CCDC7: variants seen among roughly 807,000 people sequenced by gnomAD.
The protein encoded by CCDC7 is coiled-coil domain-containing protein 7.
CCDC7 carries 183 observed loss-of-function variants against 196.9 expected under a neutral mutation model. That is an observed-to-expected ratio of 0.93 (90% CI 0.82 to 1.05). The LOEUF is 1.05. Among genes scored for constraint, CCDC7 ranks in the 50% least tolerant of loss-of-function variants. The probability of loss-of-function intolerance (pLI) is 0.00; values close to 1 mark genes in which losing one functional copy is unlikely to be tolerated. For missense variants in CCDC7, 1,540 were observed against 1,482.2 expected, an observed-to-expected ratio of 1.04 and a Z score of -0.64; for synonymous variants, 525 against 484.6, an observed-to-expected ratio of 1.08 and a Z score of -1.10.
chr10:32,672,186 C>T (rs2074185252), intron 21 of CCDC7, among the ~76,000 whole-genome samples: 1 of 152,104 alleles, frequency 6.6e-6, no homozygotes, highest in African/African-American at 2.4e-5. Context: ...CTGCTGCCAC[C>T]TTGGTAACAG....
At chr10:32,706,654 C>T (rs988933716) in intron 24 of CCDC7, among the ~76,000 whole-genome samples, 2 of 152,138 alleles carry the variant, frequency 1.3e-5, no homozygotes, top group Non-Finnish European at 1.5e-5. Context: ...CATTATCCCA[C>T]AGAAATACAA....
exon 1 of CCDC7, chr10:32,446,149 A>T (rs777135537): frequency 1.2e-4 from 19 of 152,088 alleles, no homozygotes; most frequent in Non-Finnish European, 2.4e-4. Context: ...CAACGGCCCC[A>T]TCCGGCGCCG....
intron 33 of CCDC7, among the ~76,000 whole-genome samples, chr10:32,844,313 C>T (rs1214714016): frequency 2.0e-5 from 3 of 151,900 alleles, no homozygotes; most frequent in Non-Finnish European, 4.4e-5. Context: ...CTTCGTCCTC[C>T]CCAAGTACAA....
intron 18 of CCDC7, among the ~76,000 whole-genome samples, chr10:32,591,262 T>G (rs890934677): frequency 1.3e-5 from 2 of 152,128 alleles, no homozygotes; most frequent in Non-Finnish European, 2.9e-5. Context: ...TATTTTCAAA[T>G]AGCCCCTCTT....
intron 41 of CCDC7, among the ~76,000 whole-genome samples, chr10:32,871,900 C>A (rs549538264): frequency 1.2e-4 from 18 of 152,064 alleles, no homozygotes; most frequent in African/African-American, 4.3e-4. Flanking sequence ...TTTCCATGTC[C>A]TTGAGCGGTT....
chr10:32,781,233 A>G (rs2081015734), intron 29 of CCDC7, among the ~76,000 whole-genome samples: 1 of 152,206 alleles, frequency 6.6e-6, no homozygotes. Flanking sequence ...AAATATTTAA[A>G]GAAGAATTAA....
intron 18 of CCDC7, among the ~76,000 whole-genome samples, chr10:32,627,572 C>A (rs1032457661): frequency 1.3e-5 from 2 of 151,866 alleles, no homozygotes; most frequent in Non-Finnish European, 2.9e-5. Flanking sequence ...TGAGAGTGGG[C>A]ATTCTTGTCT....
At chr10:32,599,388 G>A (rs1323873284) in intron 18 of CCDC7, among the ~76,000 whole-genome samples, 1 of 152,106 alleles carries the variant, frequency 6.6e-6, no homozygotes, top group South Asian at 2.1e-4. Flanking sequence ...TCTGTCTTTA[G>A]ACTGGAGGTT....
chr10:32,453,508 T>C (rs1232046052), intron 2 of CCDC7, 72 bp downstream of exon 3: 3 of 1,008,742 alleles, frequency 3.0e-6, no homozygotes, highest in Non-Finnish European at 3.9e-6. Context: ...AAAATATAAA[T>C]TTAAAATATT....
chr10:32,500,387 G>C (rs2043765579), intron 9 of CCDC7, among the ~76,000 whole-genome samples: 2 of 151,496 alleles, frequency 1.3e-5, no homozygotes, highest in Admixed American at 6.6e-5. Context: ...GCGGGGCAGA[G>C]ACACTCCTCA....
chr10:32,684,164 G>C (rs1291050722), intron 21 of CCDC7, among the ~76,000 whole-genome samples: 1 of 152,146 alleles, frequency 6.6e-6, no homozygotes, highest in Non-Finnish European at 1.5e-5. Flanking sequence ...GTGCCCCAGA[G>C]GTGAGGCCTC....
intron 20 of CCDC7, among the ~76,000 whole-genome samples, chr10:32,650,409 G>T (rs1175953543): frequency 6.6e-6 from 1 of 152,166 alleles, no homozygotes; most frequent in Non-Finnish European, 1.5e-5. Context: ...GCCATGTGAG[G>T]AGAAGAGATG....
downstream of CCDC7, among the ~76,000 whole-genome samples, chr10:32,880,893 A>C (rs2094768419): frequency 6.6e-6 from 1 of 152,134 alleles, no homozygotes; most frequent in African/African-American, 2.4e-5. Context: ...CCATTGGTCT[A>C]TGTGTCTGTT....
At chr10:32,836,172 C>T (rs574002608) in intron 33 of CCDC7, among the ~76,000 whole-genome samples, 3 of 152,024 alleles carry the variant, frequency 2.0e-5, no homozygotes, top group South Asian at 2.1e-4. Context: ...CAGAGAAATA[C>T]GGGAAAGAGG....
chr10:32,770,395 T>G (rs1275303709), intron 28 of CCDC7, among the ~76,000 whole-genome samples: 1 of 152,214 alleles, frequency 6.6e-6, no homozygotes, highest in African/African-American at 2.4e-5. Flanking sequence ...AGGAGCATGT[T>G]GTTTAATTTC....
chr10:32,730,270 G>T (rs2083738431), intron 28 of CCDC7, among the ~76,000 whole-genome samples: 2 of 151,912 alleles, frequency 1.3e-5, no homozygotes, highest in Non-Finnish European at 2.9e-5. Context: ...CTCATATTCA[G>T]TCTGATATTT....
intron 24 of CCDC7, among the ~76,000 whole-genome samples, chr10:32,709,364 A>G (rs944373175): frequency 5.3e-5 from 8 of 151,802 alleles, no homozygotes; most frequent in African/African-American, 1.9e-4. Context: ...AGATATACCT[A>G]ATGTAAATGA....
At chr10:32,639,978 G>A (rs1039871968) in intron 20 of CCDC7, among the ~76,000 whole-genome samples, 4 of 152,138 alleles carry the variant, frequency 2.6e-5, no homozygotes, top group Non-Finnish European at 4.4e-5. Flanking sequence ...GTCAGTTTTG[G>A]AATAAGTGTG....
intron 18 of CCDC7, among the ~76,000 whole-genome samples, chr10:32,608,158 CTT>C (rs140936436): frequency 1.3e-5 from 2 of 151,924 alleles, no homozygotes; most frequent in Non-Finnish European, 2.9e-5. Context: ...TGTAATGTGT[CTT>C]TTTTCATTTC....
Sources: gnomAD v4.1 joint callset for allele counts (sites outside exome capture counted in the v4.1 genomes callset) on GRCh38, gnomAD v4.1.1 for gene constraint, MANE v1.5 for transcripts, NCBI Gene and HGNC (gene_info 2026-07-23, HGNC 2026-07-21) for gene names.